RNASE11: variants seen among roughly 807,000 people sequenced by gnomAD.
The protein encoded by RNASE11 is putative inactive ribonuclease 11.
For synonymous variants in RNASE11, 105 were observed against 86.1 expected, an observed-to-expected ratio of 1.22 and a Z score of -1.21; for missense variants, 252 against 237.8, an observed-to-expected ratio of 1.06 and a Z score of -0.39.
exon 2 of RNASE11, chr14:20,583,831 A>G (rs767564441): frequency 2.0e-6 from 3 of 1,525,674 alleles, no homozygotes; most frequent in Non-Finnish European, 2.6e-6. Flanking sequence ...GAACAAGAAG[A>G]GGTCCTTCTT....
upstream of RNASE11, among the ~76,000 whole-genome samples, chr14:20,589,318 G>A (rs1405693270): frequency 2.7e-5 from 4 of 149,410 alleles, no homozygotes; most frequent in Non-Finnish European, 3.0e-5. Context: ...GCAGTGGCGC[G>A]ATCTCGGCTC....
intron 1 of RNASE11, among the ~76,000 whole-genome samples, chr14:20,586,411 C>T (rs561972046): frequency 6.6e-5 from 10 of 151,982 alleles, no homozygotes; most frequent in Non-Finnish European, 1.3e-4. Context: ...CTTCTTATAC[C>T]ACTCATTTGA....
intron 1 of RNASE11, among the ~76,000 whole-genome samples, chr14:20,584,740 A>G (rs2138885427): frequency 6.6e-6 from 1 of 152,296 alleles, no homozygotes; most frequent in African/African-American, 2.4e-5. Flanking sequence ...CCATCTGAAA[A>G]AAATTGTGAG....
chr14:20,585,463 AAC>A (rs1884415887), intron 1 of RNASE11, among the ~76,000 whole-genome samples: 1 of 152,210 alleles, frequency 6.6e-6, no homozygotes, highest in African/African-American at 2.4e-5. Flanking sequence ...TCGAGCCTGA[AAC>A]ACAGTTTCTG....
At chr14:20,588,150 C>G (rs1273332935), upstream of RNASE11, 1 of 152,102 alleles carries the variant, frequency 6.6e-6, no homozygotes, top group Non-Finnish European at 1.5e-5. Flanking sequence ...ATTTTCTGTA[C>G]TACTTAAGAA....
chr14:20,586,508 T>C lies in RNASE11; in HGVS notation c.-23+1055A>G, dbSNP rs376095094. 1.2e-4 allele frequency among the ~76,000 whole-genome samples: 18 copies of C among 152,352 alleles called. No homozygotes were observed. In the South Asian group the frequency reaches 3.7e-3, roughly 32 times the overall value. On this transcript the variant is annotated intron_variant, in intron 1 of 1. Coordinates refer to ENST00000553849, the Ensembl canonical transcript of RNASE11. ...TAGAGGAAAAACCTAGCACCAAGAA[T>C]ACATAAGCCTTAATTGGGTTGATGG... is the stretch of plus-strand genomic sequence containing the variant.
At chr14:20,582,943 G>T (rs559318483), downstream of RNASE11, 3 of 152,110 alleles carry the variant, frequency 2.0e-5, no homozygotes, top group Non-Finnish European at 2.9e-5. Flanking sequence ...AAGAAAGAGT[G>T]GTCTCAGGAT....
chr14:20,584,991 G>T, intron 1 of RNASE11: 1 of 805,554 alleles, frequency 1.2e-6, no homozygotes, highest in Non-Finnish European at 1.5e-6. Context: ...CATTTCTTTT[G>T]CCACCCATTC....
intron 1 of RNASE11, among the ~76,000 whole-genome samples, chr14:20,586,058 C>A (rs911851445): frequency 6.6e-6 from 1 of 152,204 alleles, no homozygotes; most frequent in Non-Finnish European, 1.5e-5. Flanking sequence ...TAACTTGCAA[C>A]AACACTCAGA....
chr14:20,587,651 A>C, exon 1 of RNASE11: 1 of 985,370 alleles, frequency 1.0e-6, no homozygotes, highest in Non-Finnish European at 1.2e-6. Context: ...TGACAACAGA[A>C]TTACCACAGA....
chr14:20,587,938 CAG>C (rs1884470383), upstream of RNASE11: 1 of 769,016 alleles, frequency 1.3e-6, no homozygotes, highest in Non-Finnish European at 1.6e-6. Flanking sequence ...AAGATCAGGA[CAG>C]AGAGTGCTCT....
chr14:20,584,014 T>C (rs1884370879), exon 2 of RNASE11: 1 of 1,614,190 alleles, frequency 6.2e-7, no homozygotes, highest in Non-Finnish European at 8.5e-7. Flanking sequence ...CACTGTATTT[T>C]CCAGTTCTAG....
At chr14:20,588,178 T>C (rs143085129), upstream of RNASE11, 9 of 152,302 alleles carry the variant, frequency 5.9e-5, no homozygotes, top group East Asian at 1.7e-3. Flanking sequence ...TATAGACTAA[T>C]AGACTTGGAA....
upstream of RNASE11, among the ~76,000 whole-genome samples, chr14:20,589,183 T>C (rs1884504219): frequency 6.6e-6 from 1 of 151,998 alleles, no homozygotes; most frequent in African/African-American, 2.4e-5. Context: ...ACATAACTCA[T>C]CTTACCCTGA....
upstream of RNASE11, chr14:20,587,766 T>TA: frequency 3.0e-6 from 3 of 985,516 alleles, no homozygotes; most frequent in South Asian, 4.7e-5. Context: ...GTCCTTCACT[T>TA]ACGATTATCC....
exon 2 of RNASE11, chr14:20,584,199 A>T: frequency 6.2e-7 from 1 of 1,614,168 alleles, no homozygotes; most frequent in South Asian, 1.1e-5. Context: ...CTTTGTCATT[A>T]CCCGAACTGT....
chr14:20,584,133 G>GCACGATCC lies in RNASE11; in HGVS notation c.334_341dup (p.Cys114TrpfsTer17). ...TGCGGATGAAGTTATTGCTCCACTTGCACGATCCGTTTGCTTCTGAAACTT... is the reference window on the plus strand; with the variant it reads ...TGCGGATGAAGTTATTGCTCCACTTGCACGATCCCACGATCCGTTTGCTTCTGAAACTT... On this transcript the variant is annotated frameshift_variant, in exon 2 of 2. Transcript: ENST00000553849. LOFTEE classifies it low-confidence loss of function (END_TRUNC). 1 of 1,614,212 alleles carries GCACGATCC rather than the reference G, an allele frequency of 6.2e-7. No individual in the cohort carries two copies. Among genetic ancestry groups the GCACGATCC allele is most frequent in the Non-Finnish European group, 8.5e-7 (1 of 1,180,044 alleles).
exon 2 of RNASE11, chr14:20,584,283 G>T: frequency 6.2e-7 from 1 of 1,614,190 alleles, no homozygotes; most frequent in South Asian, 1.1e-5. Context: ...TGGACATGCT[G>T]AGGCTGGTAT....
Position 20,583,955 on chromosome 14 carries a change from C to T in RNASE11, c.520G>A (p.Val174Ile), listed in dbSNP as rs756947915. 1 of 1,614,122 alleles carries T rather than the reference C, an allele frequency of 6.2e-7. No individual in the cohort carries two copies. Among genetic ancestry groups the T allele is most frequent in the Non-Finnish European group, 8.5e-7 (1 of 1,180,008 alleles). ...GTCAATATCTTCTCTAATGAGGTAA[C>T]ACTATGGTATTGGCACCTGGGGAAT... is the stretch of plus-strand genomic sequence containing the variant. Residue 174 changes from valine (V) to isoleucine (I), a missense_variant, in exon 2 of 2, where the codon GTT becomes ATT. Coordinates refer to ENST00000553849, the Ensembl canonical transcript of RNASE11.
Sources: allele counts gnomAD v4.1 joint callset (sites outside exome capture counted in the v4.1 genomes callset), GRCh38; gene constraint gnomAD v4.1.1; transcripts MANE v1.5; gene names NCBI Gene and HGNC (gene_info 2026-07-23, HGNC 2026-07-21).